Variants in ADGRB1 observed in about 807,000 individuals in gnomAD.
ADGRB1 encodes adhesion G protein-coupled receptor B1.
Under a neutral mutation model 175.7 loss-of-function variants are expected in ADGRB1, and 36 were observed. The ratio of observed to expected loss-of-function variants is 0.20; its 90% CI spans 0.16 to 0.27. ADGRB1 has a LOEUF of 0.27. ADGRB1 is among the 10% of genes least tolerant of loss of function. The pLI is 1.00. For missense variants in ADGRB1, 1,731 were observed against 2,255.3 expected (o/e 0.77, Z 4.71); for synonymous variants, 1,054 against 979.4 (o/e 1.08, Z -1.42).
chr8:142,529,306 G>A (rs75669570), intron 24 of ADGRB1, among the ~76,000 whole-genome samples: 15,821 of 152,166 alleles, frequency 0.1, 1,118 homozygotes, highest in East Asian at 0.28. Context: ...GTGTGCATTC[G>A]TGTGAGAGCA....
rs757292289 is a variant in ADGRB1 at position 142,489,400 on chromosome 8, C to T, written c.2593C>T (p.Arg865Cys). 8.1e-6 allele frequency: 13 copies of T among 1,613,014 alleles called. No individual in the cohort carries two copies. Among genetic ancestry groups the T allele is most frequent in the Non-Finnish European group, 1.1e-5 (13 of 1,179,858 alleles). ...VTVKPPPRSL[R>C]TPLEIEFAHM... ...TGTGAAACCCCCGCCTCGCTCCCTG[C>T]GCACACCCTTGGAGATCGAGTTTGC... The change falls in exon 16 of 31, where the codon CGC (arginine) becomes TGC (cysteine). Residue 865 changes from arginine to cysteine, a missense_variant. Arg to Cys is a radical substitution (Grantham distance 180). Transcript: ENST00000517894.
intron 2 of ADGRB1, among the ~76,000 whole-genome samples, chr8:142,466,378 C>T (rs1487113373): frequency 1.3e-5 from 2 of 152,248 alleles, no homozygotes; most frequent in East Asian, 3.8e-4. Flanking sequence ...CTACCCACAA[C>T]ACGGGGCCAT....
intron 1 of ADGRB1, among the ~76,000 whole-genome samples, chr8:142,453,774 A>G (rs1031154054): frequency 6.6e-6 from 1 of 152,228 alleles, no homozygotes; most frequent in African/African-American, 2.4e-5. Flanking sequence ...AGCTCTGCCA[A>G]GGAGGCTCTG....
intron 17 of ADGRB1, among the ~76,000 whole-genome samples, chr8:142,496,349 T>C (rs1450844565): frequency 6.6e-6 from 1 of 150,788 alleles, no homozygotes; most frequent in Non-Finnish European, 1.5e-5. Flanking sequence ...TGTAGATGGA[T>C]AGATGGGTGA....
intron 25 of ADGRB1, 83 bp from the exon 26 acceptor site, chr8:142,536,904 C>A (rs550567281): frequency 3.3e-6 from 4 of 1,226,196 alleles, no homozygotes; most frequent in South Asian, 1.5e-5. Flanking sequence ...GCCCGCCCCC[C>A]CACAGGTGCT....
intron 24 of ADGRB1, among the ~76,000 whole-genome samples, chr8:142,529,406 G>C (rs541722056): frequency 7.9e-5 from 12 of 152,222 alleles, no homozygotes; most frequent in African/African-American, 2.9e-4. Context: ...TTCGCTTGTA[G>C]CCAACCGCCC....
intron 24 of ADGRB1, among the ~76,000 whole-genome samples, chr8:142,529,284 G>A (rs1156999824): frequency 6.6e-6 from 1 of 152,140 alleles, no homozygotes; most frequent in African/African-American, 2.4e-5. Context: ...GTGCATATGT[G>A]AGTGTACATG....
intron 19 of ADGRB1, among the ~76,000 whole-genome samples, chr8:142,519,588 A>G (rs1483595468): frequency 6.9e-4 from 72 of 103,702 alleles, no homozygotes; most frequent in South Asian, 1.3e-3. Flanking sequence ...GGTGGTGGTG[A>G]TTGTGGTGGT....
chr8:142,521,933 G>A, intron 20 of ADGRB1, 32 bp from the exon 21 acceptor site: 1 of 1,554,468 alleles, frequency 6.4e-7, no homozygotes, highest in South Asian at 1.2e-5. Flanking sequence ...GGGAGCACCT[G>A]CCCAGCCTGC....
intron 17 of ADGRB1, among the ~76,000 whole-genome samples, chr8:142,491,728 C>A (rs1355667586): frequency 1.3e-5 from 2 of 152,240 alleles, no homozygotes; most frequent in Non-Finnish European, 2.9e-5. Context: ...CATCACCAGC[C>A]TCAGGCCTCC....
rs1043602299 is a variant in ADGRB1, at chr8:142,493,455, C to T, written c.2675+2640C>T. ...ACAGGTGTGGGGAAGGCCCAGGACC[C>T]GCCAGTCACACCAGGTGTTCCACCC... On this transcript the variant is annotated intron_variant, in intron 17 of 30. Transcript: ENST00000517894. This position sits in a 1 kb window ranked among gnomAD's most constrained non-coding sequence, Gnocchi z 5.0. Among the ~76,000 whole-genome samples the T allele has an allele frequency of 9.2e-5, 14 of 152,166 alleles. No homozygotes were observed. The highest frequency in any genetic ancestry group is 5.2e-4 in the Admixed American group (8 of 15,284).
At position 142,537,880 on chromosome 8, in the gene ADGRB1, C is replaced by G. The variant is rs1845032010; in HGVS notation, c.3666+798C>G. Among the ~76,000 whole-genome samples, 1 of 152,160 alleles carries G rather than the reference C, an allele frequency of 6.6e-6. No homozygotes were observed. Among genetic ancestry groups the G allele is most frequent in the Non-Finnish European group, 1.5e-5 (1 of 68,012 alleles). On this transcript the variant is annotated intron_variant, in intron 26 of 30. Coordinates refer to ENST00000517894, the MANE Select transcript of ADGRB1 (RefSeq NM_001702.3). The surrounding 1 kb of genome is among the most constrained non-coding windows in gnomAD (Gnocchi z 4.6). Reference sequence around the variant, plus strand: ...GCAGCCTTGTGCCCCTGGGGCTCAGCCAGGACCGTAGTGGGCTCCTAGTCA... The same window carrying G: ...GCAGCCTTGTGCCCCTGGGGCTCAGGCAGGACCGTAGTGGGCTCCTAGTCA...
rs1050287356 is a variant in ADGRB1, at chr8:142,510,705, G to C, written c.2676-227G>C. 6.5e-4 allele frequency among the ~76,000 whole-genome samples: 94 copies of C among 145,498 alleles called. No homozygotes were observed. The highest frequency in any genetic ancestry group is 7.6e-5 in the Non-Finnish European group (5 of 65,554). ...CCGGCGCTCCCTCGGGCTGCGCTCC[G>C]CGGCTCTCGGCGGCGGCGGCGGCGG... is the stretch of plus-strand genomic sequence containing the variant. On this transcript the variant is annotated intron_variant, in intron 17 of 30. Transcript: ENST00000517894. This position sits in a 1 kb window ranked among gnomAD's most constrained non-coding sequence, Gnocchi z 6.3.
intron 25 of ADGRB1, 29 bp downstream of exon 25, chr8:142,533,495 G>A: frequency 6.4e-7 from 1 of 1,565,922 alleles, no homozygotes; most frequent in Non-Finnish European, 8.7e-7. Context: ...GTCGGGCCGG[G>A]CTCCTGCGGG....
chr8:142,480,003 G>A (rs1283639685), intron 9 of ADGRB1, among the ~76,000 whole-genome samples: 8 of 152,222 alleles, frequency 5.3e-5, no homozygotes, highest in Admixed American at 5.2e-4. Flanking sequence ...GCTAGGGGCT[G>A]GCACCCATGC....
At chr8:142,505,020 G>A (rs533085484) in intron 17 of ADGRB1, among the ~76,000 whole-genome samples, 2 of 149,238 alleles carry the variant, frequency 1.3e-5, no homozygotes, top group Non-Finnish European at 3.0e-5. Flanking sequence ...TTCGTGGGCC[G>A]GCAGGAGGCA....
chr8:142,475,417 C>T (rs1252490433), intron 2 of ADGRB1, 57 bp from the exon 3 acceptor site: 1 of 1,247,844 alleles, frequency 8.0e-7, no homozygotes, highest in Non-Finnish European at 1.0e-6. Flanking sequence ...ATGACTTACC[C>T]GTCCAGGCCA....
At chr8:142,490,868 A>G in intron 17 of ADGRB1, 53 bp downstream of exon 17, 3 of 1,544,148 alleles carry the variant, frequency 1.9e-6, no homozygotes, top group South Asian at 2.4e-5. Context: ...GGTTCGTGGG[A>G]GGCTGGCCCA....
rs1024698361 is a variant in ADGRB1 at position 142,472,513 on chromosome 8, G to A, written c.785-2961G>A. Among the ~76,000 whole-genome samples the A allele has an allele frequency of 3.3e-5, 5 of 152,146 alleles. 1 individual carries two copies. In the East Asian group the frequency reaches 5.8e-4, roughly 18 times the overall value. ...ACACACTGTGGCCACCCAGTGAAGC[G>A]TGGCTTGAACACCTCTGCACCCTGC... On this transcript the variant is annotated intron_variant, in intron 2 of 30. Transcript: ENST00000517894.
Sources: gnomAD v4.1 joint callset for allele counts (sites outside exome capture counted in the v4.1 genomes callset) on GRCh38, gnomAD v4.1.1 for gene constraint, Gnocchi (gnomAD v3.1) non-coding constraint, MANE v1.5 for transcripts, NCBI Gene and HGNC (gene_info 2026-07-23, HGNC 2026-07-21) for gene names.